Variants in TRIM55 observed in about 807,000 individuals in gnomAD.
TRIM55 encodes the protein tripartite motif-containing protein 55.
TRIM55 carries 50 observed loss-of-function variants against 60.9 expected under a neutral mutation model. The ratio of observed to expected loss-of-function variants is 0.82; its 90% CI spans 0.65 to 1.04. TRIM55 has a LOEUF of 1.04. TRIM55 is among the 50% of genes least tolerant of loss of function. The pLI is 0.00. For synonymous variants in TRIM55, 237 were observed against 238.1 expected (o/e 1.00, Z 0.04); for missense variants, 681 against 666.9 (o/e 1.02, Z -0.23).
At chr8:66,147,987 A>T (rs1295923795) in intron 4 of TRIM55, among the ~76,000 whole-genome samples, 1 of 152,188 alleles carries the variant, frequency 6.6e-6, no homozygotes, top group Non-Finnish European at 1.5e-5. Context: ...GTTTACCAAA[A>T]TGAAAGAATA....
the TRIM55 span, among the ~76,000 whole-genome samples, chr8:66,117,165 A>G: frequency 6.6e-6 from 1 of 152,254 alleles, no homozygotes; most frequent in East Asian, 1.9e-4. Flanking sequence ...GAAGGACATA[A>G]GTGAAACACA....
At chr8:66,125,634 A>T (rs1456282877), upstream of TRIM55, among the ~76,000 whole-genome samples, 1 of 152,250 alleles carries the variant, frequency 6.6e-6, no homozygotes, top group East Asian at 1.9e-4. Context: ...AAAGTAACTC[A>T]GTAAAAAAAC....
At chr8:66,163,466 G>T (rs1811156723) in intron 9 of TRIM55, among the ~76,000 whole-genome samples, 1 of 152,018 alleles carries the variant, frequency 6.6e-6, no homozygotes, top group Non-Finnish European at 1.5e-5. Context: ...TTGATATGTT[G>T]TATTTTCATT....
chr8:66,158,235 A>C (rs143411111), intron 9 of TRIM55, among the ~76,000 whole-genome samples: 2 of 151,306 alleles, frequency 1.3e-5, no homozygotes, highest in African/African-American at 2.4e-5. Flanking sequence ...GGAGATAGGG[A>C]CTTTGGCATT....
At chr8:66,153,470 T>C (rs1810556831) in intron 8 of TRIM55, among the ~76,000 whole-genome samples, 1 of 152,176 alleles carries the variant, frequency 6.6e-6, no homozygotes, top group African/African-American at 2.4e-5. Flanking sequence ...GCTTTTGAAG[T>C]GGATTGAAAC....
intron 8 of TRIM55, 32 bp from the exon 9 acceptor site, chr8:66,154,015 C>A: frequency 6.2e-6 from 9 of 1,450,976 alleles, no homozygotes; most frequent in Non-Finnish European, 8.3e-6. Context: ...TTTTTTTTTT[C>A]TTTACTTTTG....
At chr8:66,154,393 C>T in intron 9 of TRIM55, 59 bp downstream of exon 9, 2 of 1,538,952 alleles carry the variant, frequency 1.3e-6, no homozygotes, top group South Asian at 1.2e-5. Flanking sequence ...CCCACTGGAA[C>T]AGGCCACAGC....
intron 9 of TRIM55, among the ~76,000 whole-genome samples, chr8:66,171,977 A>G (rs535008289): frequency 1.6e-4 from 23 of 141,968 alleles, no homozygotes; most frequent in African/African-American, 6.6e-4. Context: ...TTGGGGTGCT[A>G]TTGTATATGG....
At chr8:66,150,597 C>T in intron 7 of TRIM55, 131 bp downstream of exon 7, 1 of 1,041,284 alleles carries the variant, frequency 9.6e-7, no homozygotes, top group Non-Finnish European at 1.4e-6. Context: ...AGGATCATAT[C>T]CAATGTGAAG....
chr8:66,145,274 G>C (rs552696459), intron 4 of TRIM55, among the ~76,000 whole-genome samples: 68 of 152,294 alleles, frequency 4.5e-4, no homozygotes, highest in Non-Finnish European at 3.8e-4. Context: ...TGAACATTTT[G>C]AGTTAATTTC....
chr8:66,127,128 C>T, upstream of TRIM55: 3 of 931,422 alleles, frequency 3.2e-6, no homozygotes, highest in South Asian at 3.6e-5. Flanking sequence ...CACTCCAAAC[C>T]AGGGCCTGAA....
rs141020517 is a variant in TRIM55 at position 66,138,061 on chromosome 8, A to C, written c.603+871A>C. ...CTCTGTAACTGGAGCAGTCCATTAC[A>C]ATCTCCCTGCTCTAAGATTTGGGGT... On this transcript the variant is annotated intron_variant, in intron 4 of 9. Transcript: ENST00000315962. 1.1e-4 allele frequency among the ~76,000 whole-genome samples: 17 copies of C among 152,266 alleles called. 1 individual carries two copies. In the East Asian group the frequency reaches 3.3e-3, roughly 29 times the overall value.
intron 2 of TRIM55, among the ~76,000 whole-genome samples, chr8:66,134,179 C>A (rs1360161196): frequency 6.6e-6 from 1 of 152,132 alleles, no homozygotes; most frequent in Non-Finnish European, 1.5e-5. Flanking sequence ...AAAATGTAGT[C>A]CCAAATCTAA....
chr8:66,129,287 G>C (rs1390498102), intron 2 of TRIM55, among the ~76,000 whole-genome samples: 1 of 152,120 alleles, frequency 6.6e-6, no homozygotes, highest in Non-Finnish European at 1.5e-5. Context: ...TAGAAGGCAC[G>C]GTGTGAAGAG....
Position 66,152,566 on chromosome 8 carries a change from C to T in TRIM55, c.1175C>T (p.Pro392Leu), listed in dbSNP as rs752120115. 1.2e-6 allele frequency: 2 copies of T among 1,614,168 alleles called. No individual in the cohort carries two copies. The highest frequency in any genetic ancestry group is 1.7e-5 in the Admixed American group (1 of 60,020). The change falls in exon 8 of 10, where the codon CCA (proline) becomes CTA (leucine). Residue 392 changes from proline (P) to leucine (L), a missense_variant. Physicochemically the swap from Pro to Leu is moderately conservative, Grantham distance 98 (BLOSUM62 -3). Coordinates refer to ENST00000315962, the MANE Select transcript of TRIM55 (RefSeq NM_184085.2). ...CTGCAGGCTGCCCCTGGGGCACTTCCAGTTTCCTCTCCAGAGCCACCTCCA... is the reference window on the plus strand; with the variant it reads ...CTGCAGGCTGCCCCTGGGGCACTTCTAGTTTCCTCTCCAGAGCCACCTCCA... ...VELQAAPGAL[P>L]VSSPEPPPAL...
intron 4 of TRIM55, among the ~76,000 whole-genome samples, chr8:66,138,954 A>G (rs939160806): frequency 1.3e-5 from 2 of 152,176 alleles, no homozygotes; most frequent in African/African-American, 4.8e-5. Flanking sequence ...GACATTAGCT[A>G]TACTTATCTC....
At chr8:66,116,617 A>G in the TRIM55 span, among the ~76,000 whole-genome samples, 9,269 of 89,886 alleles carry the variant, frequency 0.1, 416 homozygotes, top group African/African-American at 0.35. Flanking sequence ...AAAAAAAAAA[A>G]AAAGAAAGAA....
intron 4 of TRIM55, among the ~76,000 whole-genome samples, chr8:66,140,582 T>G (rs1356269188): frequency 1.3e-5 from 2 of 152,224 alleles, no homozygotes; most frequent in Non-Finnish European, 2.9e-5. Context: ...ACCCTGTGCA[T>G]CTGTCATCGC....
chr8:66,141,947 T>A lies in TRIM55; in HGVS notation c.603+4757T>A, dbSNP rs183336843. ...GAGTTGTTTAAATACCATGCCAGAA[T>A]TTTAAAGGCAATATAACATATGTTT... On this transcript the variant is annotated intron_variant, in intron 4 of 9. Transcript: ENST00000315962. Among the ~76,000 whole-genome samples the A allele has an allele frequency of 1.8e-4, 28 of 152,358 alleles. 1 individual carries two copies. In the East Asian group the frequency reaches 5.4e-3, roughly 29 times the overall value.
Sources: allele counts gnomAD v4.1 joint callset (sites outside exome capture counted in the v4.1 genomes callset), GRCh38; gene constraint gnomAD v4.1.1; transcripts MANE v1.5; gene names NCBI Gene and HGNC (gene_info 2026-07-23, HGNC 2026-07-21).